Variants in CNOT6L observed in about 807,000 individuals in gnomAD.
The protein encoded by CNOT6L is CCR4-NOT transcription complex subunit 6 like, also known as CCR4-NOT transcription complex subunit 6-like.
A neutral mutation model predicts 64.0 loss-of-function variants in CNOT6L; 7 were observed. The ratio of observed to expected loss-of-function variants is 0.11; its 90% confidence interval spans 0.06 to 0.21. CNOT6L has a LOEUF of 0.21. CNOT6L is among the 10% of genes least tolerant of loss of function. The pLI, the probability that CNOT6L is intolerant of heterozygous loss-of-function variation, is 1.00. For missense variants in CNOT6L, 245 were observed against 669.0 expected (o/e 0.37, Z 6.99); for synonymous variants, 193 against 243.4 (o/e 0.79, Z 1.93).
upstream of CNOT6L, among the ~76,000 whole-genome samples, chr4:77,820,175 G>C (rs1301356486): frequency 1.3e-5 from 2 of 152,188 alleles, no homozygotes; most frequent in Non-Finnish European, 2.9e-5. Context: ...CCGGGGGAGA[G>C]GCGTCCGGGC....
intron 6 of CNOT6L, among the ~76,000 whole-genome samples, chr4:77,745,518 T>C (rs1347102214): frequency 6.6e-6 from 1 of 152,182 alleles, no homozygotes; most frequent in Admixed American, 6.5e-5. Flanking sequence ...CACCTGGGAA[T>C]TTAGAAATGC....
At chr4:77,779,070 AAAAC>A (rs1215733202) in intron 1 of CNOT6L, among the ~76,000 whole-genome samples, 23 of 106,162 alleles carry the variant, frequency 2.2e-4, no homozygotes, top group East Asian at 4.9e-4. Flanking sequence ...AAACAAAAAA[AAAAC>A]ACAAAAAACA....
chr4:77,774,754 A>C, intron 2 of CNOT6L, 38 bp from the exon 3 acceptor site: 3 of 1,393,340 alleles, frequency 2.2e-6, no homozygotes, highest in Non-Finnish European at 2.9e-6. Context: ...AAAAAACCCC[A>C]GGCCCAAGAT....
intron 10 of CNOT6L, among the ~76,000 whole-genome samples, chr4:77,728,124 T>C (rs1446509166): frequency 6.6e-6 from 1 of 152,220 alleles, no homozygotes; most frequent in African/African-American, 2.4e-5. Context: ...AGACATAAAG[T>C]AGTTTAGTGG....
At chr4:77,745,883 T>C (rs1724138232) in intron 6 of CNOT6L, among the ~76,000 whole-genome samples, 1 of 152,254 alleles carries the variant, frequency 6.6e-6, no homozygotes, top group Admixed American at 6.5e-5. Context: ...AAGTTGGTTC[T>C]GTTTCAGATG....
chr4:77,799,374 T>C (rs1414688469), intron 1 of CNOT6L, among the ~76,000 whole-genome samples: 1 of 152,154 alleles, frequency 6.6e-6, no homozygotes, highest in Non-Finnish European at 1.5e-5. Context: ...CTAATGCCAC[T>C]GCACTCCAGC....
chr4:77,763,255 T>C (rs1045018003), intron 4 of CNOT6L, among the ~76,000 whole-genome samples: 2 of 152,070 alleles, frequency 1.3e-5, no homozygotes, highest in Non-Finnish European at 2.9e-5. Flanking sequence ...AGTCCAGCTA[T>C]ATACTATTTA....
intron 4 of CNOT6L, among the ~76,000 whole-genome samples, chr4:77,768,411 G>A (rs1009190083): frequency 6.7e-6 from 1 of 149,720 alleles, no homozygotes; most frequent in Non-Finnish European, 1.5e-5. Flanking sequence ...GGTTGCAGTG[G>A]CCGAGATCGC....
At chr4:77,774,133 T>TA (rs1369499955) in intron 3 of CNOT6L, among the ~76,000 whole-genome samples, 1 of 152,210 alleles carries the variant, frequency 6.6e-6, no homozygotes, top group African/African-American at 2.4e-5. Flanking sequence ...CATCAGGTTT[T>TA]AAGGTTTCCT....
At chr4:77,763,782 T>G (rs980480261) in intron 4 of CNOT6L, among the ~76,000 whole-genome samples, 4 of 152,222 alleles carry the variant, frequency 2.6e-5, no homozygotes, top group Non-Finnish European at 5.9e-5. Flanking sequence ...GTCACAGAAC[T>G]GGTTCATTAG....
chr4:77,744,982 T>A, intron 6 of CNOT6L, 107 bp from the exon 7 acceptor site: 1 of 757,510 alleles, frequency 1.3e-6, no homozygotes, highest in South Asian at 2.9e-5. Context: ...ATACGCCACA[T>A]ATCATCATTG....
At position 77,717,331 on chromosome 4, in the gene CNOT6L, CTTG is replaced by C. The variant is rs1720848461; in HGVS notation, c.*3097_*3099del. The stretch of plus-strand genomic sequence containing the variant: ...GAGAGAGTGGGTGACTTGACATGCA[CTTG>C]TATGACTGTAATAATGGCAAACAGT... On this transcript the variant is annotated 3_prime_UTR_variant, in exon 12 of 12. Transcript: ENST00000504123. The C allele has an allele frequency of 6.6e-6, 1 of 152,468 alleles. No homozygotes were observed. Among genetic ancestry groups the C allele is most frequent in the Non-Finnish European group, 1.5e-5 (1 of 68,000 alleles). 9.4% of individuals were successfully genotyped at this position (152,468 alleles called of 1,614,324 possible).
rs1721063074 is a variant in CNOT6L at position 77,719,390 on chromosome 4, G to A, written c.*1041C>T. On this transcript the variant is annotated 3_prime_UTR_variant, in exon 12 of 12. Coordinates refer to ENST00000504123, the MANE Select transcript of CNOT6L (RefSeq NM_144571.3). ...ATTTGTTCTCTCTCCCAAATCCTTTGCACTGTCATCTCAAGAAACCAACAG... is the reference window on the plus strand; with the variant it reads ...ATTTGTTCTCTCTCCCAAATCCTTTACACTGTCATCTCAAGAAACCAACAG... The A allele has an allele frequency of 2.6e-5, 4 of 152,690 alleles. No homozygotes were observed. The highest frequency in any genetic ancestry group is 3.4e-3 in the Middle Eastern group (1 of 294). 9.5% of individuals were successfully genotyped at this position (152,690 alleles called of 1,614,324 possible).
chr4:77,740,818 CACAAT>C lies in CNOT6L; in HGVS notation c.872+1318_872+1322del, dbSNP rs145409837. The stretch of plus-strand genomic sequence containing the variant: ...TGATGTAGGTGTCTTAACATCACAG[CACAAT>C]ACATTACCTTTTTTACGTCTAGATA... On this transcript the variant is annotated intron_variant, in intron 8 of 11. Coordinates refer to ENST00000504123, the MANE Select transcript of CNOT6L (RefSeq NM_144571.3). Among the ~76,000 whole-genome samples, 802 of 152,246 alleles carry C rather than the reference CACAAT, an allele frequency of 5.3e-3. 7 individuals are homozygous for C. Among genetic ancestry groups the C allele is most frequent in the African/African-American group, 0.018 (754 of 41,522 alleles).
At chr4:77,812,324 G>A (rs1292180969) in intron 1 of CNOT6L, among the ~76,000 whole-genome samples, 1 of 151,564 alleles carries the variant, frequency 6.6e-6, no homozygotes, top group Non-Finnish European at 1.5e-5. Context: ...TGTAATCCCA[G>A]CTGCTCAGGA....
At chr4:77,789,111 G>A (rs1729790037) in intron 1 of CNOT6L, among the ~76,000 whole-genome samples, 1 of 152,034 alleles carries the variant, frequency 6.6e-6, no homozygotes, top group Non-Finnish European at 1.5e-5. Context: ...ATGGACTTTA[G>A]GCCAAAACAG....
chr4:77,773,921 T>TA (rs1405605529), intron 3 of CNOT6L, among the ~76,000 whole-genome samples: 2 of 151,988 alleles, frequency 1.3e-5, no homozygotes, highest in Non-Finnish European at 2.9e-5. Context: ...TGACCAAAAG[T>TA]AAAAAAAGCA....
chr4:77,762,553 A>C (rs1057369317), intron 4 of CNOT6L, among the ~76,000 whole-genome samples: 2 of 152,052 alleles, frequency 1.3e-5, no homozygotes, highest in African/African-American at 4.8e-5. Flanking sequence ...AAATTAACTC[A>C]AAACAAACCA....
At chr4:77,770,616 C>CCATAT (rs10630957) in intron 4 of CNOT6L, among the ~76,000 whole-genome samples, 130,771 of 151,666 alleles carry the variant, frequency 0.86, 56,613 homozygotes, top group Non-Finnish European at 0.9. Flanking sequence ...TAGGTACTTA[C>CCATAT]AACAAATTGA....
Sources: gnomAD v4.1 joint callset for allele counts (sites outside exome capture counted in the v4.1 genomes callset) on GRCh38, gnomAD v4.1.1 for gene constraint, MANE v1.5 for transcripts, NCBI Gene and HGNC (gene_info 2026-07-23, HGNC 2026-07-21) for gene names.